DERA: variants seen among roughly 807,000 people sequenced by gnomAD.
DERA encodes the protein 2-deoxy-D-ribose 5-phosphate aldolase.
In DERA, 15 loss-of-function variants were observed where a neutral mutation model predicts 41.1. The ratio of observed to expected loss-of-function variants is 0.37; its 90% CI spans 0.24 to 0.56. The LOEUF (loss-of-function observed/expected upper bound fraction) is 0.56, where lower values mean the gene tolerates loss of function less well. DERA is among the 20% of genes least tolerant of loss of function. The pLI is 0.81. For missense variants in DERA, 396 were observed against 403.4 expected (o/e 0.98, Z 0.16); for synonymous variants, 139 against 137.4 (o/e 1.01, Z -0.08).
At position 15,998,765 on chromosome 12, in the gene DERA, T is replaced by C. The variant is rs1948856069; in HGVS notation, c.637+16329T>C. Among the ~76,000 whole-genome samples, 1 of 152,208 alleles carries C rather than the reference T, an allele frequency of 6.6e-6. No homozygotes were observed. Among genetic ancestry groups the C allele is most frequent in the African/African-American group, 2.4e-5 (1 of 41,452 alleles). ...GTTATTTTCATTGCAATGTGCTTAT[T>C]TGGACCGCTGAACTTACATCCCCAA... On this transcript the variant is annotated intron_variant, in intron 6 of 8. Coordinates refer to ENST00000428559, the MANE Select transcript of DERA (RefSeq NM_015954.4). The surrounding 1 kb of genome is among the most constrained non-coding windows in gnomAD (Gnocchi z 4.8).
rs1404892602 is a variant in DERA at position 16,008,104 on chromosome 12, T to C, written c.638-24438T>C. Among the ~76,000 whole-genome samples, 2 of 152,140 alleles carry C rather than the reference T, an allele frequency of 1.3e-5. No homozygotes were observed. The highest frequency in any genetic ancestry group is 2.4e-5 in the African/African-American group (1 of 41,436). On this transcript the variant is annotated intron_variant, in intron 6 of 8. Coordinates refer to ENST00000428559, the MANE Select transcript of DERA (RefSeq NM_015954.4). The surrounding 1 kb of genome is among the most constrained non-coding windows in gnomAD (Gnocchi z 4.8). ...GTGGCCTCAGGTGATCTGCCTGCCT[T>C]GGCCTCCCAAAGTGCTGGGATTACA...
At chr12:15,930,259 A>G (rs1948317803) in intron 1 of DERA, among the ~76,000 whole-genome samples, 2 of 152,142 alleles carry the variant, frequency 1.3e-5, no homozygotes, top group South Asian at 4.1e-4. Flanking sequence ...AAATTCAAAG[A>G]GTGTAGGCAG....
intron 6 of DERA, among the ~76,000 whole-genome samples, chr12:15,986,907 CT>C (rs1374764143): frequency 5.9e-5 from 9 of 152,100 alleles, no homozygotes; most frequent in African/African-American, 2.2e-4. Flanking sequence ...CTGAAAATGT[CT>C]TTATTTCACC....
rs1036262026 is a variant in DERA at position 15,943,729 on chromosome 12, ATTTATTTATTTT to A, written c.32-13206_32-13195del. Among the ~76,000 whole-genome samples the A allele has an allele frequency of 6.8e-6, 1 of 147,678 alleles. No homozygotes were observed. The highest frequency in any genetic ancestry group is 2.5e-5 in the African/African-American group (1 of 39,874). On this transcript the variant is annotated intron_variant, in intron 1 of 8. Coordinates refer to ENST00000428559, the MANE Select transcript of DERA (RefSeq NM_015954.4). The surrounding 1 kb of genome is among the most constrained non-coding windows in gnomAD (Gnocchi z 4.5). ...TTTTTATTTATTTATTTATTTATTT[ATTTATTTATTTT>A]ATTATACTTTAAGTTCTAGGATACA...
intron 1 of DERA, among the ~76,000 whole-genome samples, chr12:15,955,835 T>C (rs1343544993): frequency 1.3e-5 from 2 of 152,238 alleles, no homozygotes; most frequent in African/African-American, 2.4e-5. Flanking sequence ...GTTTTCCTCA[T>C]TGCATTATAA....
Position 16,035,627 on chromosome 12 carries a change from T to C in DERA, c.751-605T>C, listed in dbSNP as rs1949122035. 6.6e-6 allele frequency among the ~76,000 whole-genome samples: 1 copy of C among 152,210 alleles called. No individual in the cohort carries two copies. Among genetic ancestry groups the C allele is most frequent in the African/African-American group, 2.4e-5 (1 of 41,446 alleles). On this transcript the variant is annotated intron_variant, in intron 7 of 8. Transcript: ENST00000428559. The surrounding 1 kb of genome is among the most constrained non-coding windows in gnomAD (Gnocchi z 4.1). The stretch of plus-strand genomic sequence containing the variant: ...ACGGTGTTTTTCTACTGCCCTTATG[T>C]AACTGGTCTGCCAGCTTTTTAGAAC...
chr12:15,942,778 C>A (rs1395303907), intron 1 of DERA, among the ~76,000 whole-genome samples: 1 of 152,198 alleles, frequency 6.6e-6, no homozygotes, highest in Non-Finnish European at 1.5e-5. Context: ...ACCGGGCTCT[C>A]ACGTGCTGTG....
chr12:15,964,066 C>T (rs959597678), intron 5 of DERA, among the ~76,000 whole-genome samples: 23 of 152,136 alleles, frequency 1.5e-4, no homozygotes, highest in Admixed American at 3.3e-4. Context: ...CTTGGAGACC[C>T]GGGCTACGTT....
At chr12:16,015,696 G>T (rs565768450) in intron 6 of DERA, among the ~76,000 whole-genome samples, 1 of 152,320 alleles carries the variant, frequency 6.6e-6, no homozygotes, top group African/African-American at 2.4e-5. Flanking sequence ...GTTACATCTT[G>T]TTGATTAGAG....
chr12:15,941,677 C>T lies in DERA; in HGVS notation c.32-15259C>T, dbSNP rs1296236667. Among the ~76,000 whole-genome samples the T allele has an allele frequency of 6.6e-6, 1 of 152,174 alleles. No homozygotes were observed. The highest frequency in any genetic ancestry group is 1.5e-5 in the Non-Finnish European group (1 of 68,038). On this transcript the variant is annotated intron_variant, in intron 1 of 8. Coordinates refer to ENST00000428559, the MANE Select transcript of DERA (RefSeq NM_015954.4). The surrounding 1 kb of genome is among the most constrained non-coding windows in gnomAD (Gnocchi z 4.5). ...CACTTAGAACTGTGGCCTCCAGCTC[C>T]ACCCAAGTTGCTGCAAAAGACATTA... is the stretch of plus-strand genomic sequence containing the variant.
chr12:16,027,026 G>A (rs1170966482), intron 6 of DERA, among the ~76,000 whole-genome samples: 3 of 152,104 alleles, frequency 2.0e-5, no homozygotes, highest in African/African-American at 7.2e-5. Context: ...ATATCAGTAA[G>A]CCAAAGAAGA....
chr12:15,937,625 AG>A (rs1156623196), intron 1 of DERA, among the ~76,000 whole-genome samples: 1 of 152,116 alleles, frequency 6.6e-6, no homozygotes. Context: ...AGTTTGCTTT[AG>A]TTTGATTCTT....
chr12:15,926,586 A>G (rs1261845711), intron 1 of DERA, among the ~76,000 whole-genome samples: 2 of 151,930 alleles, frequency 1.3e-5, no homozygotes, highest in Non-Finnish European at 1.5e-5. Flanking sequence ...AATACAAAAA[A>G]TTAGCCGGGC....
chr12:15,961,335 A>T (rs994421041), intron 4 of DERA, among the ~76,000 whole-genome samples: 16 of 152,180 alleles, frequency 1.1e-4, no homozygotes, highest in Non-Finnish European at 1.9e-4. Flanking sequence ...ATATAAAATT[A>T]GATTCTAGTT....
Position 16,011,482 on chromosome 12 carries a change from C to T in DERA, c.638-21060C>T, listed in dbSNP as rs1181924711. On this transcript the variant is annotated intron_variant, in intron 6 of 8. Transcript: ENST00000428559. The surrounding 1 kb of genome is among the most constrained non-coding windows in gnomAD (Gnocchi z 4.7). ...TTTGAGTATTGTATCAACGGAGTTT[C>T]GATTTTGGAGCATTTCAGACGTTCA... 2.6e-5 allele frequency among the ~76,000 whole-genome samples: 4 copies of T among 152,108 alleles called. No homozygotes were observed. The highest frequency in any genetic ancestry group is 2.1e-4 in the South Asian group (1 of 4,820).
rs977516393 is a variant in DERA at position 15,943,045 on chromosome 12, G to A, written c.32-13891G>A. On this transcript the variant is annotated intron_variant, in intron 1 of 8. Transcript: ENST00000428559. This position sits in a 1 kb window ranked among gnomAD's most constrained non-coding sequence, Gnocchi z 4.5. ...CAGTAGTTACTTAGAGCATAGAGTG[G>A]TTGGGGAGAGGGACAGCGATGTCAC... Among the ~76,000 whole-genome samples, 2 of 152,148 alleles carry A rather than the reference G, an allele frequency of 1.3e-5. No individual in the cohort carries two copies. The highest frequency in any genetic ancestry group is 4.8e-5 in the African/African-American group (2 of 41,450).
At chr12:16,029,238 C>T (rs1193636307) in intron 6 of DERA, among the ~76,000 whole-genome samples, 2 of 151,948 alleles carry the variant, frequency 1.3e-5, no homozygotes, top group African/African-American at 4.8e-5. Context: ...ATAGAGACCA[C>T]GGTGAAACCC....
intron 6 of DERA, among the ~76,000 whole-genome samples, chr12:15,987,491 C>A (rs1225286433): frequency 6.6e-6 from 1 of 152,004 alleles, no homozygotes; most frequent in Non-Finnish European, 1.5e-5. Context: ...CCTACCTTGA[C>A]CTCCCAAAGT....
chr12:15,923,103 A>C (rs1262993246), intron 1 of DERA, among the ~76,000 whole-genome samples: 2 of 144,730 alleles, frequency 1.4e-5, no homozygotes, highest in Admixed American at 1.4e-4. Flanking sequence ...GCTCACTGCA[A>C]GCTCCGCCTC....
Sources: allele counts gnomAD v4.1 joint callset (sites outside exome capture counted in the v4.1 genomes callset), GRCh38; gene constraint gnomAD v4.1.1; non-coding constraint Gnocchi (gnomAD v3.1); transcripts MANE v1.5; gene names NCBI Gene and HGNC (gene_info 2026-07-23, HGNC 2026-07-21).